SCIMP: variants seen among roughly 807,000 people sequenced by gnomAD.
SCIMP encodes SLP adapter and CSK-interacting membrane protein.
In SCIMP, 18 loss-of-function variants were observed where a neutral mutation model predicts 22.0. That is an observed-to-expected ratio of 0.82 (90% CI 0.56 to 1.21). The LOEUF (loss-of-function observed/expected upper bound fraction) is 1.21. Ranked by LOEUF, SCIMP falls within the 50% of genes most tolerant of loss-of-function variation. SCIMP has a pLI of 0.00. For missense variants in SCIMP, 155 were observed against 171.2 expected (o/e 0.91, Z 0.53); for synonymous variants, 53 against 62.2 (o/e 0.85, Z 0.70).
chr17:5,231,897 A>G (rs1007816401), intron 1 of SCIMP, among the ~76,000 whole-genome samples: 1 of 152,338 alleles, frequency 6.6e-6, no homozygotes, highest in Admixed American at 6.5e-5. Flanking sequence ...TACTTAAAAA[A>G]TACAAAAAAT....
At chr17:5,233,847 C>T (rs764894319) in intron 1 of SCIMP, 1 of 152,158 alleles carries the variant, frequency 6.6e-6, no homozygotes. Flanking sequence ...ATGGCTACAC[C>T]GAGAACTCAC....
At chr17:5,212,669 T>C (rs2074534400) in intron 4 of SCIMP, among the ~76,000 whole-genome samples, 1 of 152,136 alleles carries the variant, frequency 6.6e-6, no homozygotes, top group South Asian at 2.1e-4. Context: ...ACCTGGCTTG[T>C]AGAGTTGTGA....
intron 1 of SCIMP, among the ~76,000 whole-genome samples, chr17:5,232,715 CTTT>C (rs10713853): frequency 6.9e-6 from 1 of 145,844 alleles, no homozygotes; most frequent in Admixed American, 6.9e-5. Context: ...CGTTCTTCTT[CTTT>C]TTTTTTTTTT....
intron 1 of SCIMP, among the ~76,000 whole-genome samples, chr17:5,230,791 A>C (rs559632657): frequency 1.2e-4 from 18 of 152,164 alleles, no homozygotes; most frequent in Admixed American, 8.5e-4. Flanking sequence ...AAAACAAAAC[A>C]AAACCAGATG....
intron 3 of SCIMP, among the ~76,000 whole-genome samples, chr17:5,218,346 C>T (rs2074580913): frequency 7.2e-6 from 1 of 139,446 alleles, no homozygotes; most frequent in African/African-American, 2.6e-5. Context: ...TAGTTTTTTG[C>T]TTTTTTTTTT....
At chr17:5,228,238 T>C (rs887229704) in intron 1 of SCIMP, among the ~76,000 whole-genome samples, 1 of 150,700 alleles carries the variant, frequency 6.6e-6, no homozygotes, top group Admixed American at 6.6e-5. Context: ...CCCAGCTACA[T>C]GGGAGGTTGA....
chr17:5,227,340 G>C (rs1326348576), intron 1 of SCIMP, among the ~76,000 whole-genome samples: 3 of 136,426 alleles, frequency 2.2e-5, no homozygotes, highest in Admixed American at 1.4e-4. Flanking sequence ...CACTTAGCCA[G>C]GTGTGGCGGC....
intron 1 of SCIMP, among the ~76,000 whole-genome samples, chr17:5,231,820 T>A (rs1020017299): frequency 6.6e-6 from 1 of 152,132 alleles, no homozygotes; most frequent in South Asian, 2.1e-4. Context: ...TTTGGGAGGC[T>A]GAGGCGGGCG....
At chr17:5,225,760 C>A (rs1247347451) in intron 1 of SCIMP, among the ~76,000 whole-genome samples, 3 of 138,116 alleles carry the variant, frequency 2.2e-5, no homozygotes, top group Non-Finnish European at 4.7e-5. Flanking sequence ...GAGATTCCAT[C>A]TGAAAAAAAA....
chr17:5,226,469 C>G (rs2074649230), intron 1 of SCIMP, among the ~76,000 whole-genome samples: 1 of 151,548 alleles, frequency 6.6e-6, no homozygotes, highest in South Asian at 2.1e-4. Context: ...GTGAAATGGA[C>G]CGCAGAGAGG....
intron 4 of SCIMP, among the ~76,000 whole-genome samples, chr17:5,211,941 G>A (rs2074528774): frequency 6.6e-6 from 1 of 151,990 alleles, no homozygotes; most frequent in Admixed American, 6.6e-5. Flanking sequence ...CCAGCAACTC[G>A]GGAGGTTGAG....
At chr17:5,215,563 G>A (rs141893799) in intron 3 of SCIMP, among the ~76,000 whole-genome samples, 2,310 of 152,164 alleles carry the variant, frequency 0.015, 56 homozygotes, top group African/African-American at 0.052. Flanking sequence ...GCAGTGAGCC[G>A]AGATCATGCT....
chr17:5,232,418 T>C (rs867149360), intron 1 of SCIMP, among the ~76,000 whole-genome samples: 215 of 145,134 alleles, frequency 1.5e-3, no homozygotes, highest in African/African-American at 5.0e-3. Context: ...GTGCAAACAG[T>C]GCAGTGTAAA....
At chr17:5,223,574 ACT>A (rs1392653516) in intron 1 of SCIMP, 118 bp from the exon 2 acceptor site, 2 of 986,138 alleles carry the variant, frequency 2.0e-6, no homozygotes, top group South Asian at 1.4e-5. Flanking sequence ...TCGGAGTCTC[ACT>A]CTGTCGCCCA....
chr17:5,227,370 T>TA (rs1378129773), intron 1 of SCIMP, among the ~76,000 whole-genome samples: 1 of 151,574 alleles, frequency 6.6e-6, no homozygotes, highest in Non-Finnish European at 1.5e-5. Flanking sequence ...TAGTCACAGC[T>TA]ACTCAGGAGG....
intron 2 of SCIMP, among the ~76,000 whole-genome samples, 191 bp downstream of exon 2, chr17:5,223,142 T>C (rs1233461643): frequency 2.0e-5 from 3 of 152,068 alleles, no homozygotes; most frequent in African/African-American, 7.2e-5. Flanking sequence ...TTTCACTGTG[T>C]GGATGAGGAA....
At chr17:5,224,527 A>G (rs1471813439) in intron 1 of SCIMP, among the ~76,000 whole-genome samples, 4 of 150,948 alleles carry the variant, frequency 2.6e-5, no homozygotes, top group Non-Finnish European at 5.9e-5. Flanking sequence ...CAGTGGCGCG[A>G]TCTTGGCTCA....
chr17:5,216,030 G>A (rs999129916), intron 3 of SCIMP, among the ~76,000 whole-genome samples: 1 of 151,896 alleles, frequency 6.6e-6, no homozygotes, highest in Admixed American at 6.6e-5. Flanking sequence ...GGGAGACCCA[G>A]TCTCTACAAA....
chr17:5,216,641 G>C lies in SCIMP; in HGVS notation c.210-1643C>G, dbSNP rs570738629. 2.0e-5 allele frequency among the ~76,000 whole-genome samples: 3 copies of C among 152,078 alleles called. No individual in the cohort carries two copies. In the South Asian group the frequency reaches 6.2e-4, roughly 32 times the overall value. On this transcript the variant is annotated intron_variant, in intron 3 of 4. Transcript: ENST00000574081. ...AGATCGCGCCACTGCACTCCAGCCTGGGCAACAGAGTGAGACTCCATCTCA... is the reference window on the plus strand; with the variant it reads ...AGATCGCGCCACTGCACTCCAGCCTCGGCAACAGAGTGAGACTCCATCTCA...
Sources: allele counts gnomAD v4.1 joint callset (sites outside exome capture counted in the v4.1 genomes callset), GRCh38; gene constraint gnomAD v4.1.1; transcripts MANE v1.5; gene names NCBI Gene and HGNC (gene_info 2026-07-23, HGNC 2026-07-21).